CD22: variants seen among roughly 807,000 people sequenced by gnomAD.
CD22 encodes B-cell receptor CD22.
CD22 carries 51 observed loss-of-function variants against 94.7 expected under a neutral mutation model. That is an observed-to-expected ratio of 0.54 (90% CI 0.43 to 0.68). CD22 has a LOEUF of 0.68. CD22 is among the 30% of genes least tolerant of loss of function. The pLI, the probability that CD22 is intolerant of heterozygous loss-of-function variation, is 0.00. For missense variants in CD22, 931 were observed against 1,060.4 expected (o/e 0.88, Z 1.69); for synonymous variants, 424 against 422.5 (o/e 1.00, Z -0.04).
At chr19:35,333,096 C>G in intron 3 of CD22, 172 bp downstream of exon 3, 1 of 618,792 alleles carries the variant, frequency 1.6e-6, no homozygotes, top group Non-Finnish European at 2.7e-6. Flanking sequence ...TGCGGGACCT[C>G]GGATGTCCCA....
At chr19:35,332,999 ACAGAGCTCACAAACCGAGCTTCCTG>A (rs1251665863) in intron 3 of CD22, 75 bp downstream of exon 3, 2 of 1,492,818 alleles carry the variant, frequency 1.3e-6, no homozygotes, top group Admixed American at 2.0e-5. Flanking sequence ...GACTCCTGGC[ACAGAGCTCACAAACCGAGCTTCCTG>A]CAGAGCTCAG....
At position 35,337,737 on chromosome 19, in the gene CD22, G is replaced by A. The variant is rs186767780; in HGVS notation, c.719-18G>A. On this transcript the variant is annotated intron_variant, in intron 4 of 13. Coordinates refer to ENST00000085219, the MANE Select transcript of CD22 (RefSeq NM_001771.4). The surrounding 1 kb of genome is among the most constrained non-coding windows in gnomAD (Gnocchi z 4.4). ...AGGATTCCCCGCCCCCTCCCCGACT[G>A]CCCCTCTGCTCCTCCAGACACCCCG... 6 of 1,577,722 alleles carry A rather than the reference G, an allele frequency of 3.8e-6. No homozygotes were observed. In the East Asian group the frequency reaches 9.1e-5, roughly 24 times the overall value.
rs778057198 is a variant in CD22, at chr19:35,341,476, C to A, written c.1641C>A (p.Gly547=). The part of the protein sequence containing the change: ...KEVQFFWEKN[G]RLLGKESQLN... ...TCCAGTTCTTCTGGGAGAAAAATGG[C>A]AGGCTTCTGGGGAAAGAAAGCCAGC... The change falls in exon 8 of 14, where the codon GGC becomes GGA. Residue 547 remains glycine, a synonymous_variant. Transcript: ENST00000085219. This position sits in a 1 kb window ranked among gnomAD's most constrained non-coding sequence, Gnocchi z 4.0. The A allele has an allele frequency of 6.2e-7, 1 of 1,614,164 alleles. No homozygotes were observed. The highest frequency in any genetic ancestry group is 8.5e-7 in the Non-Finnish European group (1 of 1,180,028).
Position 35,346,979 on chromosome 19 carries a change from A to C in CD22, c.*282A>C, listed in dbSNP as rs1599698175. The C allele has an allele frequency of 1.9e-5, 6 of 310,892 alleles. No homozygotes were observed. The highest frequency in any genetic ancestry group is 2.2e-5 in the African/African-American group (1 of 45,050). The allele number at this position is 310,892 out of a possible 1,614,324, so 19.3% of individuals were successfully genotyped here. On this transcript the variant is annotated 3_prime_UTR_variant, in exon 14 of 14. Coordinates refer to ENST00000085219, the MANE Select transcript of CD22 (RefSeq NM_001771.4). ...TCTAAATACCTGCCCTGACATGCAC[A>C]CCTCCCCCTGCCCCCACCACGGCCA...
intron 6 of CD22, 36 bp from the exon 7 acceptor site, chr19:35,340,845 G>A: frequency 6.2e-7 from 1 of 1,612,970 alleles, no homozygotes; most frequent in Non-Finnish European, 8.5e-7. Flanking sequence ...GTGGACAGCT[G>A]GCTTTTCTTT....
rs1447584833 is a variant in CD22, at chr19:35,341,116, C to T, written c.1485C>T (p.Ser495=). Residue 495 remains serine (S), a synonymous_variant, in exon 7 of 14, where the codon TCC becomes TCT. Coordinates refer to ENST00000085219, the MANE Select transcript of CD22 (RefSeq NM_001771.4). The surrounding 1 kb of genome is among the most constrained non-coding windows in gnomAD (Gnocchi z 4.0). ...AACNSWCSWA[S]PVALNVQYAP... ...GTAATAGTTGGTGCTCGTGGGCCTC[C>T]CCTGTCGCCCTGAATGTCCAGTGTG... 3 of 1,614,174 alleles carry T rather than the reference C, an allele frequency of 1.9e-6. No homozygotes were observed. The South Asian group carries it at 3.3e-5, about 18-fold the overall frequency.
intron 13 of CD22, 108 bp from the exon 14 acceptor site, chr19:35,346,458 G>T (rs555503613): frequency 4.1e-6 from 6 of 1,457,850 alleles, no homozygotes; most frequent in Non-Finnish European, 4.7e-6. Context: ...GAGGACACCC[G>T]CCTGGGCTTT....
rs777730903 is a variant in CD22, at chr19:35,337,721, C to T, written c.719-34C>T. 1.9e-5 allele frequency: 30 copies of T among 1,558,768 alleles called. No homozygotes were observed. The highest frequency in any genetic ancestry group is 1.7e-4 in the Middle Eastern group (1 of 5,762). On this transcript the variant is annotated intron_variant, in intron 4 of 13. Coordinates refer to ENST00000085219, the MANE Select transcript of CD22 (RefSeq NM_001771.4). The surrounding 1 kb of genome is among the most constrained non-coding windows in gnomAD (Gnocchi z 4.4). ...CACCCTCCACCCTCTGAGGATTCCC[C>T]GCCCCCTCCCCGACTGCCCCTCTGC...
At chr19:35,342,037 C>A in intron 9 of CD22, 72 bp downstream of exon 9, 8 of 1,080,548 alleles carry the variant, frequency 7.4e-6, no homozygotes, top group Non-Finnish European at 8.9e-6. Flanking sequence ...TTCCTTCCTT[C>A]CTTCCTTCCT....
At chr19:35,345,025 C>T (rs1458888528) in intron 10 of CD22, 26 bp from the exon 11 acceptor site, 1 of 1,610,916 alleles carries the variant, frequency 6.2e-7, no homozygotes, top group Non-Finnish European at 8.5e-7. Context: ...GTCCCTGACC[C>T]TCACACATGT....
intron 2 of CD22, 47 bp downstream of exon 2, chr19:35,332,121 G>T: frequency 1.9e-6 from 3 of 1,611,702 alleles, no homozygotes; most frequent in Non-Finnish European, 2.5e-6. Flanking sequence ...GGATGTCAGT[G>T]GGCACTGGAG....
At chr19:35,338,908 C>T (rs1169522884) in intron 6 of CD22, among the ~76,000 whole-genome samples, 2 of 151,404 alleles carry the variant, frequency 1.3e-5, no homozygotes, top group African/African-American at 2.4e-5. Context: ...GGATTAGAGG[C>T]GTGAGCCACC....
Position 35,338,220 on chromosome 19 carries a change from A to T in CD22, c.1038A>T (p.Gly346=). 1 of 1,614,152 alleles carries T rather than the reference A, an allele frequency of 6.2e-7. No individual in the cohort carries two copies. The highest frequency in any genetic ancestry group is 8.5e-7 in the Non-Finnish European group (1 of 1,180,006). The change falls in exon 6 of 14, where the codon GGA becomes GGT. Residue 346 remains glycine, a synonymous_variant. Transcript: ENST00000085219. The part of the protein sequence containing the change: ...VQILHSPAVE[G]SQVEFLCMSL... ...TCCTCCACTCACCGGCTGTGGAGGG[A>T]AGTCAAGTCGAGTTTCTTTGCATGT...
chr19:35,345,753 C>A, intron 12 of CD22, 33 bp downstream of exon 12: 1 of 1,442,716 alleles, frequency 6.9e-7, no homozygotes, highest in Non-Finnish European at 9.8e-7. Flanking sequence ...GACCCTGCAC[C>A]CTGGGAGGGA....
Position 35,345,591 on chromosome 19 carries a change from C to T in CD22, c.2209-11C>T, listed in dbSNP as rs1206984480. 1.3e-6 allele frequency: 2 copies of T among 1,539,568 alleles called. No individual in the cohort carries two copies. Among genetic ancestry groups the T allele is most frequent in the South Asian group, 2.2e-5 (2 of 89,572 alleles). ...CAGGTGGTTAGCACTTCATCCTCGT[C>T]TCCCTCCCAGGTTAGAAGGGCCCCC... On this transcript the variant is annotated splice_polypyrimidine_tract_variant and intron_variant, in intron 11 of 13. Transcript: ENST00000085219.
At chr19:35,330,975 G>A (rs1244647946) in intron 1 of CD22, 6 of 152,136 alleles carry the variant, frequency 3.9e-5, no homozygotes, top group Admixed American at 2.6e-4. Flanking sequence ...AGGCTGGAGT[G>A]CAGTTGCATG....
At chr19:35,345,795 T>G in intron 12 of CD22, 75 bp downstream of exon 12, 3 of 1,047,340 alleles carry the variant, frequency 2.9e-6, no homozygotes, top group Non-Finnish European at 4.5e-6. Context: ...CCGCCTGCCC[T>G]CTTTGTGCCA....
At chr19:35,345,281 C>A (rs2066886425) in intron 11 of CD22, 155 bp downstream of exon 11, 3 of 653,612 alleles carry the variant, frequency 4.6e-6, no homozygotes, top group Admixed American at 2.4e-5. Context: ...ATTAGCCGGG[C>A]GTGATGGTCC....
At chr19:35,344,064 C>T (rs774211445) in intron 9 of CD22, among the ~76,000 whole-genome samples, 31 of 152,120 alleles carry the variant, frequency 2.0e-4, no homozygotes, top group Admixed American at 1.8e-3. Context: ...GGTGTGGTGG[C>T]GCGCACCTGT....
Sources: allele counts gnomAD v4.1 joint callset (sites outside exome capture counted in the v4.1 genomes callset), GRCh38; gene constraint gnomAD v4.1.1; non-coding constraint Gnocchi (gnomAD v3.1); transcripts MANE v1.5; gene names NCBI Gene and HGNC (gene_info 2026-07-23, HGNC 2026-07-21).